The following SYT6 variants were observed in gnomAD, a reference collection of about 807,000 sequenced individuals.
SYT6 encodes the protein synaptotagmin-6.
A neutral mutation model predicts 38.4 loss-of-function variants in SYT6; 24 were observed. The ratio of observed to expected loss-of-function variants is 0.62; its 90% CI spans 0.45 to 0.88. The LOEUF (loss-of-function observed/expected upper bound fraction) is 0.88, where lower values mean the gene tolerates loss of function less well. Ranked by LOEUF, SYT6 falls within the 40% of genes least tolerant of loss-of-function variation. The pLI is 0.00. For missense variants in SYT6, 611 were observed against 621.0 expected, an observed-to-expected ratio of 0.98 and a Z score of 0.17; for synonymous variants, 265 against 241.9, an observed-to-expected ratio of 1.10 and a Z score of -0.89.
chr1:114,120,571 CAA>C (rs1320830113), intron 3 of SYT6, among the ~76,000 whole-genome samples: 1 of 152,208 alleles, frequency 6.6e-6, no homozygotes, highest in African/African-American at 2.4e-5. Flanking sequence ...TGGAGCAACA[CAA>C]AGTGACAAGC....
chr1:114,095,491 G>C (rs1047695392), intron 6 of SYT6, among the ~76,000 whole-genome samples: 1 of 152,186 alleles, frequency 6.6e-6, no homozygotes, highest in Admixed American at 6.5e-5. Flanking sequence ...CTGGTAACAG[G>C]GATGGGTTAT....
At chr1:114,144,725 G>A (rs1015706752) in intron 1 of SYT6, among the ~76,000 whole-genome samples, 1 of 152,078 alleles carries the variant, frequency 6.6e-6, no homozygotes, top group African/African-American at 2.4e-5. Flanking sequence ...CTGCTAAGGG[G>A]ATCCAGGTAC....
chr1:114,110,703 C>T (rs182092148), intron 3 of SYT6, among the ~76,000 whole-genome samples: 7 of 152,264 alleles, frequency 4.6e-5, no homozygotes, highest in South Asian at 2.1e-4. Context: ...TCAGATGCTA[C>T]GGCCTCCACA....
Position 114,153,840 on chromosome 1 carries a change from C to A in SYT6, c.-68G>T, listed in dbSNP as rs893227307. On this transcript the variant is annotated 5_prime_UTR_variant, in exon 1 of 8. Coordinates refer to ENST00000610222, the MANE Select transcript of SYT6 (RefSeq NM_001253772.2). The stretch of plus-strand genomic sequence containing the variant: ...GCCCCGGCCGCACTGGGGCGGGGCA[C>A]GACGGCCCCAAGAAGACCCTCCCTG... The A allele has an allele frequency of 3.5e-6, 2 of 575,638 alleles. No individual in the cohort carries two copies. The highest frequency in any genetic ancestry group is 4.2e-5 in the South Asian group (2 of 47,734). 35.7% of individuals were successfully genotyped at this position (575,638 alleles called of 1,614,324 possible).
rs577096199 is a variant in SYT6 at position 114,104,682 on chromosome 1, A to ATCCT, written c.1072-962_1072-961insAGGA. Among the ~76,000 whole-genome samples the ATCCT allele has an allele frequency of 3.4e-3, 522 of 152,034 alleles. 5 individuals carry two copies. The highest frequency in any genetic ancestry group is 0.012 in the African/African-American group (504 of 41,450). On this transcript the variant is annotated intron_variant, in intron 3 of 7. Transcript: ENST00000610222. The stretch of plus-strand genomic sequence containing the variant: ...GATGAGGCCCTCCATCCATCCATCC[A>ATCCT]TTCAGTAATTCAGTCAGTTAACAAC...
chr1:114,148,909 C>G (rs2629823), intron 1 of SYT6, among the ~76,000 whole-genome samples: 108,268 of 152,028 alleles, frequency 0.71, 39,183 homozygotes, highest in Middle Eastern at 0.85. Flanking sequence ...TCTTGAATCA[C>G]GTATCTGGGA....
intron 3 of SYT6, 21 bp from the exon 4 acceptor site, chr1:114,103,742 G>T: frequency 6.2e-7 from 1 of 1,609,172 alleles, no homozygotes; most frequent in Non-Finnish European, 8.5e-7. Context: ...GCACACAAGA[G>T]GGCAGATGAG....
intron 3 of SYT6, among the ~76,000 whole-genome samples, chr1:114,112,330 T>C (rs1676738076): frequency 6.6e-6 from 1 of 152,164 alleles, no homozygotes; most frequent in Admixed American, 6.5e-5. Context: ...CTAAAGCACA[T>C]CAGCGGGAAG....
chr1:114,101,060 A>AT (rs146708184), intron 4 of SYT6, among the ~76,000 whole-genome samples: 2,508 of 151,032 alleles, frequency 0.017, 60 homozygotes, highest in African/African-American at 0.054. Flanking sequence ...AGGCATATCC[A>AT]TTTTTTTTTA....
chr1:114,122,763 C>T (rs1379307502), intron 3 of SYT6, among the ~76,000 whole-genome samples: 1 of 152,194 alleles, frequency 6.6e-6, no homozygotes, highest in African/African-American at 2.4e-5. Context: ...AACGCCCTTT[C>T]AGCAGGAGTT....
chr1:114,104,393 C>G (rs1676154767), intron 3 of SYT6, among the ~76,000 whole-genome samples: 1 of 152,188 alleles, frequency 6.6e-6, no homozygotes, highest in Non-Finnish European at 1.5e-5. Context: ...GCTGCCTCTC[C>G]TAACCCCAGA....
intron 3 of SYT6, among the ~76,000 whole-genome samples, chr1:114,124,812 G>A (rs914461748): frequency 2.0e-5 from 3 of 152,192 alleles, no homozygotes; most frequent in Non-Finnish European, 4.4e-5. Context: ...GGGAGGGCTC[G>A]GAGCACATGC....
chr1:114,141,007 G>A (rs1678836781), intron 1 of SYT6, among the ~76,000 whole-genome samples: 1 of 152,184 alleles, frequency 6.6e-6, no homozygotes, highest in Non-Finnish European at 1.5e-5. Context: ...TGTTCTGGCT[G>A]CTCCCCTGGC....
At position 114,137,487 on chromosome 1, in the gene SYT6, G is replaced by A. The variant is rs1268906663; in HGVS notation, c.1071+8C>T. 2.5e-6 allele frequency: 4 copies of A among 1,611,002 alleles called. No individual in the cohort carries two copies. Among genetic ancestry groups the A allele is most frequent in the African/African-American group, 1.3e-5 (1 of 75,020 alleles). ...CCTCAAGAAGCCAAGGAACAGGGCT[G>A]TACTTACACTTGTGGCATATTGGAT... On this transcript the variant is annotated splice_region_variant and intron_variant, in intron 3 of 7. Coordinates refer to ENST00000610222, the MANE Select transcript of SYT6 (RefSeq NM_001253772.2).
At chr1:114,127,382 C>T (rs1677809437) in intron 3 of SYT6, among the ~76,000 whole-genome samples, 5 of 152,136 alleles carry the variant, frequency 3.3e-5, no homozygotes, top group Admixed American at 2.0e-4. Flanking sequence ...CTCCTCTTTC[C>T]TTTCTGGGTT....
chr1:114,140,012 G>C, intron 1 of SYT6, 49 bp from the exon 2 acceptor site: 1 of 1,155,916 alleles, frequency 8.7e-7, no homozygotes, highest in Non-Finnish European at 1.2e-6. Flanking sequence ...ACAGAGGCGG[G>C]GAGAAGCGGG....
chr1:114,120,440 A>T (rs1366873210), intron 3 of SYT6, among the ~76,000 whole-genome samples: 1 of 152,212 alleles, frequency 6.6e-6, no homozygotes, highest in Non-Finnish European at 1.5e-5. Flanking sequence ...CACATTGTGT[A>T]GGGGACTCGC....
At chr1:114,103,941 T>C (rs1249758681) in intron 3 of SYT6, among the ~76,000 whole-genome samples, 1 of 152,216 alleles carries the variant, frequency 6.6e-6, no homozygotes, top group East Asian at 1.9e-4. Context: ...CCCCTTCCAA[T>C]ATTCCCTCTC....
At chr1:114,143,874 G>A (rs955756935) in intron 1 of SYT6, among the ~76,000 whole-genome samples, 1 of 130,504 alleles carries the variant, frequency 7.7e-6, no homozygotes, top group East Asian at 2.6e-4. Context: ...ATGCCCCTAT[G>A]AGGGATGCCC....
Sources: gnomAD v4.1 joint callset for allele counts (sites outside exome capture counted in the v4.1 genomes callset) on GRCh38, gnomAD v4.1.1 for gene constraint, MANE v1.5 for transcripts, NCBI Gene and HGNC (gene_info 2026-07-23, HGNC 2026-07-21) for gene names.